KCNH8: variants seen among roughly 807,000 people sequenced by gnomAD.
The protein encoded by KCNH8 is potassium voltage-gated channel subfamily H member 8, also known as voltage-gated delayed rectifier potassium channel KCNH8.
Under a neutral mutation model 103.6 loss-of-function variants are expected in KCNH8, and 70 were observed. That is an observed-to-expected ratio of 0.68 (90% CI 0.56 to 0.82). The LOEUF (loss-of-function observed/expected upper bound fraction) is 0.82, where lower values mean the gene tolerates loss of function less well. Among genes scored for constraint, KCNH8 ranks in the 40% least tolerant of loss-of-function variants. The pLI is 0.00. For missense variants in KCNH8, 1,217 were observed against 1,329.9 expected (o/e 0.92, Z 1.32); for synonymous variants, 498 against 489.4 (o/e 1.02, Z -0.23).
chr3:19,456,917 C>G lies in KCNH8; in HGVS notation c.1975C>G (p.His659Asp), dbSNP rs766338702. 6.2e-7 allele frequency: 1 copy of G among 1,612,498 alleles called. No individual in the cohort carries two copies. The highest frequency in any genetic ancestry group is 1.7e-5 in the Admixed American group (1 of 59,812). ...EVLDLYPEYAHKFVEDIQHDL... is the reference protein window; with the variant it reads ...EVLDLYPEYADKFVEDIQHDL... ...GCTAGACCTTTACCCAGAATATGCT[C>G]ACAAATTCGTGGAAGACATTCAGCA... is the stretch of plus-strand genomic sequence containing the variant. Residue 659 changes from histidine (H) to aspartate (D), a missense_variant, in exon 11 of 16, where the codon CAC (histidine) becomes GAC (aspartate). Around this residue, in one of 3 missense-constraint regions of KCNH8, gnomAD observed 415 missense variants for 577.4 expected, o/e 0.72. Coordinates refer to ENST00000328405, the MANE Select transcript of KCNH8 (RefSeq NM_144633.3).
chr3:19,346,408 A>G (rs374721168), intron 4 of KCNH8, among the ~76,000 whole-genome samples: 1 of 152,096 alleles, frequency 6.6e-6, no homozygotes, highest in South Asian at 2.1e-4. Flanking sequence ...GCAAATGGGC[A>G]TTTAAGGACC....
chr3:19,534,026 C>CTTTGTT lies in KCNH8; in HGVS notation c.3255_3256insTTTTTG (p.Leu1085_Glu1086insPheLeu), dbSNP rs2069222163. The CTTTGTT allele has an allele frequency of 6.2e-7, 1 of 1,613,972 alleles. No individual in the cohort carries two copies. The highest frequency in any genetic ancestry group is 1.7e-5 in the Admixed American group (1 of 60,006). On this transcript the variant is annotated inframe_insertion, in exon 16 of 16. Coordinates refer to ENST00000328405, the MANE Select transcript of KCNH8 (RefSeq NM_144633.3). ...GGAATGGCATCAGCTTCTACAAAACCTTTGGAGAACCTTCCACTGGAAGTT... is the reference window on the plus strand; with the variant it reads ...GGAATGGCATCAGCTTCTACAAAACCTTTGTTTTTGGAGAACCTTCCACTGGAAGTT...
At chr3:19,285,890 G>GAAAC (rs2064825156) in intron 3 of KCNH8, among the ~76,000 whole-genome samples, 1 of 152,128 alleles carries the variant, frequency 6.6e-6, no homozygotes, top group African/African-American at 2.4e-5. Flanking sequence ...CTCAGACAAG[G>GAAAC]AAGCAAGATA....
chr3:19,213,451 T>TC (rs34472143), intron 1 of KCNH8, among the ~76,000 whole-genome samples: 6,169 of 152,082 alleles, frequency 0.041, 441 homozygotes, highest in African/African-American at 0.14. Flanking sequence ...ACTGGGTATT[T>TC]CCCCCCTAGG....
intron 1 of KCNH8, among the ~76,000 whole-genome samples, chr3:19,151,575 A>G (rs2063130797): frequency 6.6e-6 from 1 of 152,112 alleles, no homozygotes; most frequent in Admixed American, 6.5e-5. Flanking sequence ...ACAATGTAAG[A>G]CATCATCTGA....
At position 19,377,823 on chromosome 3, in the gene KCNH8, A is replaced by G. The variant is rs548836182; in HGVS notation, c.812-12658A>G. ...TTTCAAGACCAACCATCAAAAGACT[A>G]TTCTCAAAAGGCTGAGAGCCATTAA... On this transcript the variant is annotated intron_variant, in intron 5 of 15. Transcript: ENST00000328405. Among the ~76,000 whole-genome samples, 5 of 152,364 alleles carry G rather than the reference A, an allele frequency of 3.3e-5. No homozygotes were observed. In the South Asian group the frequency reaches 8.3e-4, roughly 25 times the overall value.
At chr3:19,464,120 G>A (rs1376297097) in intron 11 of KCNH8, among the ~76,000 whole-genome samples, 4 of 152,026 alleles carry the variant, frequency 2.6e-5, no homozygotes, top group African/African-American at 7.2e-5. Context: ...AAAATTTGAG[G>A]ATTTATGCTG....
intron 4 of KCNH8, among the ~76,000 whole-genome samples, chr3:19,345,530 CTT>C (rs1392440344): frequency 6.6e-6 from 1 of 151,996 alleles, no homozygotes; most frequent in Non-Finnish European, 1.5e-5. Flanking sequence ...ATAAGATAAA[CTT>C]AACGTCTAGA....
intron 3 of KCNH8, among the ~76,000 whole-genome samples, chr3:19,329,466 C>T (rs2065474044): frequency 6.6e-6 from 1 of 152,038 alleles, no homozygotes; most frequent in South Asian, 2.1e-4. Context: ...ATAATTATGG[C>T]TTATATTTAG....
intron 5 of KCNH8, among the ~76,000 whole-genome samples, chr3:19,361,799 C>A (rs563407563): frequency 6.6e-6 from 1 of 152,190 alleles, no homozygotes; most frequent in South Asian, 2.1e-4. Flanking sequence ...TATTAACTTA[C>A]AAATACCCAA....
intron 7 of KCNH8, among the ~76,000 whole-genome samples, chr3:19,429,600 G>A (rs1251829333): frequency 6.6e-6 from 1 of 152,028 alleles, no homozygotes; most frequent in Non-Finnish European, 1.5e-5. Flanking sequence ...TTTAAGTTTG[G>A]AGGTACAAAC....
intron 11 of KCNH8, among the ~76,000 whole-genome samples, chr3:19,493,072 T>G (rs1251410521): frequency 2.0e-5 from 3 of 152,040 alleles, no homozygotes; most frequent in Non-Finnish European, 1.5e-5. Context: ...GTACATTGAT[T>G]TTTGTATCCT....
chr3:19,484,524 G>A (rs771754549), intron 11 of KCNH8, among the ~76,000 whole-genome samples: 16 of 152,112 alleles, frequency 1.1e-4, no homozygotes, highest in Admixed American at 2.0e-4. Context: ...AGGGCTTGTC[G>A]TCCTCCTCAG....
chr3:19,351,621 T>C (rs937272500), intron 5 of KCNH8, among the ~76,000 whole-genome samples: 1 of 152,200 alleles, frequency 6.6e-6, no homozygotes, highest in African/African-American at 2.4e-5. Flanking sequence ...CAGAATTTTA[T>C]ATCCGGCCAA....
intron 10 of KCNH8, among the ~76,000 whole-genome samples, chr3:19,456,490 T>A (rs994812076): frequency 6.6e-6 from 1 of 152,032 alleles, no homozygotes; most frequent in African/African-American, 2.4e-5. Flanking sequence ...CATAATAACA[T>A]TCCAAAGATA....
In KCNH8 at chr3:19,534,049, G is replaced by T; in HGVS notation, c.3274G>T (p.Val1092Phe). 1 of 1,614,182 alleles carries T rather than the reference G, an allele frequency of 6.2e-7. No homozygotes were observed. Among genetic ancestry groups the T allele is most frequent in the Non-Finnish European group, 8.5e-7 (1 of 1,180,022 alleles). The change falls in exon 16 of 16, where the codon GTT (valine) becomes TTT (phenylalanine). Residue 1092 changes from valine (V) to phenylalanine (F), a missense_variant. Val to Phe is a conservative substitution (Grantham distance 50, BLOSUM62 -1). Around this residue, in one of 3 missense-constraint regions of KCNH8, gnomAD observed 558 missense variants for 495.8 expected, o/e 1.13. Coordinates refer to ENST00000328405, the MANE Select transcript of KCNH8 (RefSeq NM_144633.3). The part of the protein sequence containing the change: ...TKPLENLPLE[V>F]VTSTAEVKDN... ...ACCTTTGGAGAACCTTCCACTGGAA[G>T]TTGTCACAAGCACAGCAGAAGTGAA...
chr3:19,162,479 C>T (rs2063243893), intron 1 of KCNH8, among the ~76,000 whole-genome samples: 1 of 151,602 alleles, frequency 6.6e-6, no homozygotes, highest in African/African-American at 2.4e-5. Flanking sequence ...TGCACTCCAG[C>T]CTGGACGACA....
chr3:19,530,271 A>G (rs1306587947), intron 15 of KCNH8, among the ~76,000 whole-genome samples: 1 of 152,210 alleles, frequency 6.6e-6, no homozygotes, highest in African/African-American at 2.4e-5. Context: ...ACAATCACTT[A>G]CTGTATCTTT....
At chr3:19,287,119 G>T (rs911661878) in intron 3 of KCNH8, among the ~76,000 whole-genome samples, 2 of 151,232 alleles carry the variant, frequency 1.3e-5, no homozygotes, top group Admixed American at 1.3e-4. Flanking sequence ...AAAAAAAAAA[G>T]GTCATAGGTG....
Sources: allele counts gnomAD v4.1 joint callset (sites outside exome capture counted in the v4.1 genomes callset), GRCh38; gene constraint gnomAD v4.1.1; regional missense constraint gnomAD v4.1.1; transcripts MANE v1.5; gene names NCBI Gene and HGNC (gene_info 2026-07-23, HGNC 2026-07-21).